Variants in ERC2 observed in about 807,000 individuals in gnomAD.
ERC2 encodes ELKS/RAB6-interacting/CAST family member 2.
Under a neutral mutation model 114.8 loss-of-function variants are expected in ERC2, and 42 were observed. That is an observed-to-expected ratio of 0.37 (90% CI 0.29 to 0.47). The LOEUF (loss-of-function observed/expected upper bound fraction) is 0.47. Ranked by LOEUF, ERC2 falls within the 20% of genes least tolerant of loss-of-function variation. The pLI, the probability that ERC2 is intolerant of heterozygous loss-of-function variation, is 0.99. For missense variants in ERC2, 939 were observed against 1,150.7 expected, an observed-to-expected ratio of 0.82 and a Z score of 2.66; for synonymous variants, 454 against 425.5, an observed-to-expected ratio of 1.07 and a Z score of -0.82.
At chr3:55,899,403 T>C (rs1446822846) in intron 13 of ERC2, among the ~76,000 whole-genome samples, 3 of 152,212 alleles carry the variant, frequency 2.0e-5, no homozygotes, top group African/African-American at 7.2e-5. Flanking sequence ...TGTGTATGGA[T>C]ATATTTACAT....
chr3:55,797,582 C>T (rs1239958188), intron 14 of ERC2, among the ~76,000 whole-genome samples: 1 of 152,078 alleles, frequency 6.6e-6, no homozygotes, highest in Non-Finnish European at 1.5e-5. Context: ...AAACCAGTCA[C>T]CAGTGAGGGA....
At chr3:56,153,571 T>C (rs1280738489) in intron 4 of ERC2, among the ~76,000 whole-genome samples, 1 of 152,182 alleles carries the variant, frequency 6.6e-6, no homozygotes, top group Non-Finnish European at 1.5e-5. Flanking sequence ...ACATTAAGTG[T>C]ACAGCAACCC....
At chr3:56,270,569 G>A (rs1056108691) in intron 3 of ERC2, among the ~76,000 whole-genome samples, 1 of 152,188 alleles carries the variant, frequency 6.6e-6, no homozygotes, top group African/African-American at 2.4e-5. Context: ...GGCCAAATCT[G>A]AGCTGTAGTG....
At chr3:56,018,762 C>T in intron 8 of ERC2, 132 bp downstream of exon 8, 1 of 1,000,384 alleles carries the variant, frequency 1.0e-6, no homozygotes, top group African/African-American at 1.6e-5. Flanking sequence ...GTGGGAAGAA[C>T]AAGGACCAGC....
chr3:56,311,255 CTATATATATATA>C (rs67320179), intron 2 of ERC2, among the ~76,000 whole-genome samples: 4 of 79,048 alleles, frequency 5.1e-5, no homozygotes, highest in East Asian at 3.5e-4. Context: ...CTCTCTCTCT[CTATATATATATA>C]TATATATATA....
At chr3:55,823,757 C>A (rs2060219526) in intron 14 of ERC2, among the ~76,000 whole-genome samples, 1 of 152,184 alleles carries the variant, frequency 6.6e-6, no homozygotes, top group Non-Finnish European at 1.5e-5. Context: ...CCATAGGGAG[C>A]CATATGACTG....
At chr3:55,792,207 G>A (rs2070093933) in intron 14 of ERC2, among the ~76,000 whole-genome samples, 1 of 152,122 alleles carries the variant, frequency 6.6e-6, no homozygotes. Flanking sequence ...GCTCCCCTTT[G>A]CAATCTTTGA....
At chr3:55,828,310 C>A (rs529323320) in intron 14 of ERC2, among the ~76,000 whole-genome samples, 1 of 152,282 alleles carries the variant, frequency 6.6e-6, no homozygotes, top group East Asian at 1.9e-4. Flanking sequence ...CCAGGAGCAA[C>A]CACAAAATAA....
intron 6 of ERC2, among the ~76,000 whole-genome samples, chr3:56,117,538 C>A (rs1284677476): frequency 6.6e-6 from 1 of 152,186 alleles, no homozygotes. Context: ...TGCATTGTAT[C>A]CATTTCACCC....
In ERC2 at chr3:55,739,370, CCA is replaced by C. The variant is rs1408707482; in HGVS notation, c.2565-4454_2565-4453del. On this transcript the variant is annotated intron_variant, in intron 14 of 17. Transcript: ENST00000288221. ...ACAATGGTTGAACTAATTTACACTC[CCA>C]CCAACAGTGCAAAAGCCTTCCTATT... is the stretch of plus-strand genomic sequence containing the variant. Among the ~76,000 whole-genome samples, 4 of 152,318 alleles carry C rather than the reference CCA, an allele frequency of 2.6e-5. No homozygotes were observed. The East Asian group carries it at 7.7e-4, about 29-fold the overall frequency.
chr3:56,405,078 A>G (rs2060662487), intron 2 of ERC2, among the ~76,000 whole-genome samples: 1 of 152,146 alleles, frequency 6.6e-6, no homozygotes, highest in African/African-American at 2.4e-5. Flanking sequence ...AAAGTAAAGG[A>G]TGTGTGGGGA....
chr3:56,075,928 A>T (rs35904258), intron 7 of ERC2, among the ~76,000 whole-genome samples: 3,322 of 151,876 alleles, frequency 0.022, 80 homozygotes, highest in East Asian at 0.071. Context: ...CTATAAAAAA[A>T]TTTTTTTTTC....
intron 1 of ERC2, among the ~76,000 whole-genome samples, chr3:56,456,910 C>T (rs2063086984): frequency 6.6e-6 from 1 of 152,070 alleles, no homozygotes; most frequent in African/African-American, 2.4e-5. Flanking sequence ...GTATGAAAGG[C>T]AATTTAACAG....
At chr3:55,854,314 T>TCC (rs2061696817) in intron 14 of ERC2, among the ~76,000 whole-genome samples, 1 of 152,138 alleles carries the variant, frequency 6.6e-6, no homozygotes, top group Admixed American at 6.5e-5. Flanking sequence ...CTAGATAAGA[T>TCC]TTAAAATCCC....
chr3:56,300,924 T>C (rs1412384738), intron 2 of ERC2, among the ~76,000 whole-genome samples: 2 of 152,112 alleles, frequency 1.3e-5, no homozygotes, highest in African/African-American at 4.8e-5. Flanking sequence ...GGTAGGCATT[T>C]ATAACAGAAA....
At chr3:56,420,599 T>C (rs1287725646) in intron 2 of ERC2, among the ~76,000 whole-genome samples, 5 of 151,852 alleles carry the variant, frequency 3.3e-5, no homozygotes, top group African/African-American at 1.2e-4. Flanking sequence ...CTAAGGGAAT[T>C]TGGGGGCCGG....
At chr3:55,675,894 C>CTCTTTTTTTTTTTTTTTTTTT (rs2061765800) in intron 17 of ERC2, among the ~76,000 whole-genome samples, 1 of 70,472 alleles carries the variant, frequency 1.4e-5, no homozygotes, top group Non-Finnish European at 2.8e-5. Context: ...CTTTCTTTCT[C>CTCTTTTTTTTTTTTTTTTTTT]TTTTCTTTCT....
chr3:56,426,449 G>A (rs1433262956), intron 2 of ERC2, among the ~76,000 whole-genome samples: 1 of 152,202 alleles, frequency 6.6e-6, no homozygotes, highest in Non-Finnish European at 1.5e-5. Flanking sequence ...TGTAACAGAT[G>A]GGACTGTTGT....
chr3:55,559,994 G>A (rs1053938103), intron 17 of ERC2, among the ~76,000 whole-genome samples: 5 of 152,160 alleles, frequency 3.3e-5, no homozygotes, highest in East Asian at 3.9e-4. Context: ...GCAAGGAGCC[G>A]TTATCTTGGT....
Sources: gnomAD v4.1 joint callset for allele counts (sites outside exome capture counted in the v4.1 genomes callset) on GRCh38, gnomAD v4.1.1 for gene constraint, MANE v1.5 for transcripts, NCBI Gene and HGNC (gene_info 2026-07-23, HGNC 2026-07-21) for gene names.